CCDC178: variants seen among roughly 807,000 people sequenced by gnomAD.
The protein encoded by CCDC178 is coiled-coil domain-containing protein 178.
Under a neutral mutation model 117.4 loss-of-function variants are expected in CCDC178, and 126 were observed. The observed-to-expected ratio is 1.07, with a 90% CI of 0.93 to 1.24. The LOEUF is 1.24. Ranked by LOEUF, CCDC178 falls within the 50% of genes most tolerant of loss-of-function variation. The probability of loss-of-function intolerance (pLI) is 0.00; values close to 1 mark genes in which losing one functional copy is unlikely to be tolerated. For missense variants in CCDC178, 1,030 were observed against 986.9 expected (o/e 1.04, Z -0.59); for synonymous variants, 283 against 313.4 (o/e 0.90, Z 1.02).
intron 20 of CCDC178, among the ~76,000 whole-genome samples, chr18:33,153,677 A>G (rs1349778975): frequency 1.3e-5 from 2 of 152,182 alleles, no homozygotes; most frequent in African/African-American, 4.8e-5. Context: ...AAAACAATTT[A>G]GAAGTCACAT....
At chr18:33,278,969 C>G (rs978878705) in intron 12 of CCDC178, among the ~76,000 whole-genome samples, 2 of 152,018 alleles carry the variant, frequency 1.3e-5, no homozygotes, top group Non-Finnish European at 2.9e-5. Context: ...ATAATAAGAG[C>G]TATCTATGAC....
At chr18:33,368,055 T>A (rs1001401747) in intron 6 of CCDC178, among the ~76,000 whole-genome samples, 1 of 151,984 alleles carries the variant, frequency 6.6e-6, no homozygotes, top group Non-Finnish European at 1.5e-5. Flanking sequence ...TCCAAGGATA[T>A]AAAACAGAGG....
At chr18:33,400,948 C>A (rs1318687698) in intron 3 of CCDC178, among the ~76,000 whole-genome samples, 1 of 152,152 alleles carries the variant, frequency 6.6e-6, no homozygotes, top group African/African-American at 2.4e-5. Flanking sequence ...CCCTTGAACT[C>A]TTAGAGGGCA....
At chr18:32,994,139 A>G (rs1405377797) in intron 21 of CCDC178, among the ~76,000 whole-genome samples, 1 of 151,934 alleles carries the variant, frequency 6.6e-6, no homozygotes, top group Admixed American at 6.6e-5. Context: ...TTACCCATGA[A>G]TCTTTCCTTT....
chr18:33,357,587 C>G (rs1255074453), intron 6 of CCDC178, among the ~76,000 whole-genome samples: 1 of 152,002 alleles, frequency 6.6e-6, no homozygotes, highest in Non-Finnish European at 1.5e-5. Flanking sequence ...TTTAGCTTTC[C>G]ATAATATTAT....
intron 5 of CCDC178, among the ~76,000 whole-genome samples, chr18:33,374,630 A>AT: frequency 6.7e-6 from 1 of 149,428 alleles, no homozygotes; most frequent in Admixed American, 6.7e-5. Context: ...TCTTCTTTAT[A>AT]TTTCCCCATG....
rs558401976 is a variant in CCDC178, at chr18:33,310,849, G to A, written c.1022+12642C>T. ...TCCCTTATTCCCAGTGGCCTCTGCA[G>A]GCAACACTTTCCCTGCCTACCAATC... is the stretch of plus-strand genomic sequence containing the variant. On this transcript the variant is annotated intron_variant, in intron 11 of 22. Transcript: ENST00000383096. Among the ~76,000 whole-genome samples, 13 of 152,216 alleles carry A rather than the reference G, an allele frequency of 8.5e-5. No homozygotes were observed. In the East Asian group the frequency reaches 2.3e-3, roughly 27 times the overall value.
intron 2 of CCDC178, among the ~76,000 whole-genome samples, chr18:33,428,075 A>G (rs1751891432): frequency 6.6e-6 from 1 of 152,226 alleles, no homozygotes; most frequent in Admixed American, 6.5e-5. Flanking sequence ...GTGAATTAGA[A>G]AGTACTATTC....
chr18:33,003,774 G>T (rs2055692898), intron 21 of CCDC178, among the ~76,000 whole-genome samples: 1 of 152,000 alleles, frequency 6.6e-6, no homozygotes. Context: ...CTTATATTTG[G>T]AAAAACCTAA....
intron 20 of CCDC178, among the ~76,000 whole-genome samples, chr18:33,165,989 T>A (rs1352114396): frequency 1.3e-5 from 2 of 152,222 alleles, no homozygotes; most frequent in Non-Finnish European, 2.9e-5. Context: ...TGCCTGGCAG[T>A]GAGAAACACA....
intron 21 of CCDC178, among the ~76,000 whole-genome samples, chr18:33,069,792 G>C (rs1356981383): frequency 6.6e-6 from 1 of 151,820 alleles, no homozygotes; most frequent in East Asian, 1.9e-4. Context: ...AAAGATTCAT[G>C]ACCAGAATAT....
chr18:33,306,552 TA>T, intron 11 of CCDC178, among the ~76,000 whole-genome samples: 1 of 147,610 alleles, frequency 6.8e-6, no homozygotes, highest in African/African-American at 2.5e-5. Flanking sequence ...TATATGGTTA[TA>T]TATATATGGT....
intron 12 of CCDC178, among the ~76,000 whole-genome samples, chr18:33,284,044 G>A (rs2060065804): frequency 1.3e-5 from 2 of 152,200 alleles, no homozygotes; most frequent in Admixed American, 1.3e-4. Flanking sequence ...AGAAAATGTG[G>A]TACATATACA....
chr18:33,020,236 A>T (rs2056085458), intron 21 of CCDC178, among the ~76,000 whole-genome samples: 1 of 150,738 alleles, frequency 6.6e-6, no homozygotes, highest in South Asian at 2.1e-4. Context: ...GTGAGCTACC[A>T]TGCCTGGCCG....
At chr18:33,167,574 G>A (rs2058548315) in intron 20 of CCDC178, among the ~76,000 whole-genome samples, 1 of 151,956 alleles carries the variant, frequency 6.6e-6, no homozygotes, top group South Asian at 2.1e-4. Flanking sequence ...TTTGAAAAGT[G>A]CCTGTTCAGC....
intron 14 of CCDC178, among the ~76,000 whole-genome samples, chr18:33,257,074 T>G (rs1057243706): frequency 6.6e-6 from 1 of 152,114 alleles, no homozygotes; most frequent in Non-Finnish European, 1.5e-5. Context: ...GCTTTATAAT[T>G]TTGTAAGTTC....
chr18:32,990,920 A>C (rs537576864), intron 21 of CCDC178, among the ~76,000 whole-genome samples: 64 of 151,826 alleles, frequency 4.2e-4, no homozygotes, highest in Non-Finnish European at 5.9e-4. Context: ...AATGGCTTAC[A>C]AGTAATTAGG....
intron 20 of CCDC178, among the ~76,000 whole-genome samples, chr18:33,141,450 G>A (rs1002200156): frequency 2.0e-5 from 3 of 152,114 alleles, no homozygotes; most frequent in Non-Finnish European, 4.4e-5. Flanking sequence ...AGCTGGCTGG[G>A]GAGACCAAGG....
At chr18:33,218,192 A>G (rs2059190518) in intron 18 of CCDC178, among the ~76,000 whole-genome samples, 2 of 141,960 alleles carry the variant, frequency 1.4e-5, no homozygotes, top group South Asian at 2.2e-4. Context: ...CACATTTGAC[A>G]TACATCTAGA....
Sources: gnomAD v4.1 joint callset for allele counts (sites outside exome capture counted in the v4.1 genomes callset) on GRCh38, gnomAD v4.1.1 for gene constraint, MANE v1.5 for transcripts, NCBI Gene and HGNC (gene_info 2026-07-23, HGNC 2026-07-21) for gene names.